Variants in KLF16 observed in about 807,000 individuals in gnomAD.
KLF16 encodes KLF transcription factor 16.
A neutral mutation model predicts 6.1 loss-of-function variants in KLF16; 6 were observed. The observed-to-expected ratio is 0.98, with a 90% CI of 0.54 to 1.93. The LOEUF (loss-of-function observed/expected upper bound fraction) is 1.93. KLF16 is among the 30% of genes most tolerant of loss of function. KLF16 has a pLI of 0.01. For missense variants in KLF16, 355 were observed against 363.8 expected, an observed-to-expected ratio of 0.98 and a Z score of 0.20; for synonymous variants, 211 against 176.5, an observed-to-expected ratio of 1.20 and a Z score of -1.55.
At chr19:1,873,787 T>A in the KLF16 span, among the ~76,000 whole-genome samples, 1 of 151,796 alleles carries the variant, frequency 6.6e-6, no homozygotes, top group Non-Finnish European at 1.5e-5. Flanking sequence ...GAGCAGGGGG[T>A]GGTGGGGAGA....
chr19:1,859,671 C>T (rs901900932), intron 1 of KLF16, among the ~76,000 whole-genome samples: 2 of 152,146 alleles, frequency 1.3e-5, no homozygotes, highest in African/African-American at 4.8e-5. Flanking sequence ...GAAGCGCTTT[C>T]CGTCATCACT....
chr19:1,857,383 G>A lies in KLF16; in HGVS notation c.458-2623C>T, dbSNP rs1449605244. Among the ~76,000 whole-genome samples the A allele has an allele frequency of 6.6e-6, 1 of 152,238 alleles. No homozygotes were observed. The highest frequency in any genetic ancestry group is 2.4e-5 in the African/African-American group (1 of 41,466). On this transcript the variant is annotated intron_variant, in intron 1 of 1. Transcript: ENST00000250916. The surrounding 1 kb of genome is among the most constrained non-coding windows in gnomAD (Gnocchi z 4.7). ...CTGCTCCGCGCTACCTGGCCGAGAC[G>A]CAGCGCCCTGAGGATGCGGTGGGTG...
At chr19:1,868,131 T>C (rs930620788), upstream of KLF16, among the ~76,000 whole-genome samples, 2 of 152,224 alleles carry the variant, frequency 1.3e-5, no homozygotes, top group Non-Finnish European at 2.9e-5. Flanking sequence ...AATGCAATGA[T>C]GGGCCATTTG....
At position 1,863,413 on chromosome 19, in the gene KLF16, G is replaced by T. The variant is rs1435333205; in HGVS notation, c.85C>A (p.Arg29=). The part of the protein sequence containing the change: ...ISSGAVVHRG[R]PGPEGAGPAA... ...GGGCCCGCGCCCTCGGGGCCGGGCC[G>T]CCCGCGGTGCACCACGGCGCCCGAA... Residue 29 remains arginine, a synonymous_variant, in exon 1 of 2, where the codon CGG becomes AGG. Coordinates refer to ENST00000250916, the MANE Select transcript of KLF16 (RefSeq NM_031918.4). 9 of 999,084 alleles carry T rather than the reference G, an allele frequency of 9.0e-6. No homozygotes were observed. Among genetic ancestry groups the T allele is most frequent in the Non-Finnish European group, 2.4e-6 (2 of 840,990 alleles). The allele number at this position is 999,084 out of a possible 1,614,324, so 61.9% of individuals were successfully genotyped here.
At chr19:1,862,913 C>T in intron 1 of KLF16, 128 bp downstream of exon 1, 1 of 319,898 alleles carries the variant, frequency 3.1e-6, no homozygotes, top group Non-Finnish European at 4.5e-6. Context: ...GCCCTGCCGG[C>T]CGGCGCGGCG....
chr19:1,860,772 GA>G (rs971912067), intron 1 of KLF16, among the ~76,000 whole-genome samples: 1 of 152,200 alleles, frequency 6.6e-6, no homozygotes, highest in African/African-American at 2.4e-5. Flanking sequence ...TCCACTAAAA[GA>G]GGCCGTTTAC....
chr19:1,856,950 C>CGGGGG (rs946961126), intron 1 of KLF16, among the ~76,000 whole-genome samples: 1 of 43,262 alleles, frequency 2.3e-5, no homozygotes, highest in African/African-American at 2.0e-4. Context: ...AGCAGGTTGC[C>CGGGGG]GGGGTGGGGG....
upstream of KLF16, among the ~76,000 whole-genome samples, chr19:1,866,149 C>T (rs570120926): frequency 2.0e-5 from 3 of 151,826 alleles, no homozygotes; most frequent in Non-Finnish European, 2.9e-5. Flanking sequence ...ACTAAAAATA[C>T]AAGAAAAAAT....
chr19:1,867,399 T>C (rs931700464), upstream of KLF16, among the ~76,000 whole-genome samples: 1 of 152,162 alleles, frequency 6.6e-6, no homozygotes, highest in African/African-American at 2.4e-5. Flanking sequence ...GTGAGACCCC[T>C]GTCTGCATAA....
In KLF16 at chr19:1,853,704, T is replaced by G. The variant is rs1486645072; in HGVS notation, c.*755A>C. On this transcript the variant is annotated 3_prime_UTR_variant, in exon 2 of 2. Coordinates refer to ENST00000250916, the MANE Select transcript of KLF16 (RefSeq NM_031918.4). Reference sequence around the variant, plus strand: ...CCCCACACCCGAGGACAGAGGAAAATAAATAAGCCAGGATTCCCTCCCGAC... The same window carrying G: ...CCCCACACCCGAGGACAGAGGAAAAGAAATAAGCCAGGATTCCCTCCCGAC... 6.6e-6 allele frequency: 1 copy of G among 152,018 alleles called. No individual in the cohort carries two copies. Among genetic ancestry groups the G allele is most frequent in the Non-Finnish European group, 1.5e-5 (1 of 67,974 alleles). 9.4% of individuals were successfully genotyped at this position (152,018 alleles called of 1,614,324 possible).
the KLF16 span, among the ~76,000 whole-genome samples, chr19:1,873,657 C>A: frequency 2.0e-5 from 3 of 151,910 alleles, no homozygotes; most frequent in Admixed American, 6.5e-5. Context: ...GGAAGTTGGC[C>A]CTACTCCCAG....
At chr19:1,868,133 G>A (rs1049034057), upstream of KLF16, among the ~76,000 whole-genome samples, 3 of 151,948 alleles carry the variant, frequency 2.0e-5, no homozygotes, top group African/African-American at 7.3e-5. Context: ...TGCAATGATG[G>A]GCCATTTGTC....
chr19:1,866,164 C>T (rs10403924), upstream of KLF16, among the ~76,000 whole-genome samples: 42,726 of 151,710 alleles, frequency 0.28, 7,334 homozygotes, highest in African/African-American at 0.48. Flanking sequence ...AAAAATTAGC[C>T]GGGCCAGGTG....
upstream of KLF16, among the ~76,000 whole-genome samples, chr19:1,864,596 G>A (rs2012153779): frequency 6.6e-6 from 1 of 152,192 alleles, no homozygotes; most frequent in Non-Finnish European, 1.5e-5. Flanking sequence ...GCTGGGCTGG[G>A]GGCGCCTGAG....
At chr19:1,864,617 G>A (rs553464710), upstream of KLF16, among the ~76,000 whole-genome samples, 1 of 152,176 alleles carries the variant, frequency 6.6e-6, no homozygotes, top group Non-Finnish European at 1.5e-5. Flanking sequence ...CGGGTCAGAG[G>A]TTCCCCGCCC....
chr19:1,871,764 C>T, the KLF16 span, among the ~76,000 whole-genome samples: 5 of 152,216 alleles, frequency 3.3e-5, no homozygotes, highest in African/African-American at 1.2e-4. Context: ...CCGGAGGACA[C>T]AGCGAGGTCA....
chr19:1,862,908 G>A, intron 1 of KLF16, 133 bp downstream of exon 1: 1 of 295,716 alleles, frequency 3.4e-6, no homozygotes, highest in Non-Finnish European at 5.0e-6. Flanking sequence ...GCCCCGCCCT[G>A]CCGGCCGGCG....
At chr19:1,867,144 G>A (rs1371282145), upstream of KLF16, among the ~76,000 whole-genome samples, 6 of 152,222 alleles carry the variant, frequency 3.9e-5, no homozygotes, top group East Asian at 1.9e-4. Flanking sequence ...GAGGGGCCAC[G>A]GAGCCAGGAA....
chr19:1,864,341 C>T (rs1044637704), upstream of KLF16, among the ~76,000 whole-genome samples: 2 of 152,198 alleles, frequency 1.3e-5, no homozygotes, highest in African/African-American at 2.4e-5. Context: ...GGCATCTGCT[C>T]GTCCTCTTCT....
Sources: allele counts gnomAD v4.1 joint callset (sites outside exome capture counted in the v4.1 genomes callset), GRCh38; gene constraint gnomAD v4.1.1; non-coding constraint Gnocchi (gnomAD v3.1); transcripts MANE v1.5; gene names NCBI Gene and HGNC (gene_info 2026-07-23, HGNC 2026-07-21).